Variants in LDB2 observed in about 807,000 individuals in gnomAD.
The protein encoded by LDB2 is LIM domain binding 2, also known as LIM domain-binding protein 2.
Under a neutral mutation model 44.3 loss-of-function variants are expected in LDB2, and 12 were observed. The ratio of observed to expected loss-of-function variants is 0.27; its 90% CI spans 0.17 to 0.44. The LOEUF is 0.44. Among genes scored for constraint, LDB2 ranks in the 20% least tolerant of loss-of-function variants. LDB2 has a pLI of 1.00. For missense variants in LDB2, 344 were observed against 473.5 expected (o/e 0.73, Z 2.54); for synonymous variants, 164 against 174.8 (o/e 0.94, Z 0.49).
In LDB2 at chr4:16,664,458, G is replaced by A. The variant is rs547263467; in HGVS notation, c.236-68583C>T. On this transcript the variant is annotated intron_variant, in intron 2 of 7. Coordinates refer to ENST00000304523, the MANE Select transcript of LDB2 (RefSeq NM_001290.5). ...AAATTTGCTCAGGGCAGGATGGCAG[G>A]GGTAGTAGGACACTAGACAGAGTCA... Among the ~76,000 whole-genome samples the A allele has an allele frequency of 4.0e-4, 61 of 152,258 alleles. No homozygotes were observed. In the South Asian group the frequency reaches 0.012, roughly 31 times the overall value.
At chr4:16,894,279 T>C (rs893168045) in intron 1 of LDB2, among the ~76,000 whole-genome samples, 1 of 152,172 alleles carries the variant, frequency 6.6e-6, no homozygotes, top group Non-Finnish European at 1.5e-5. Context: ...TTTGACAGCA[T>C]ACACAACAGA....
At chr4:16,870,235 T>G (rs1716081138) in intron 1 of LDB2, among the ~76,000 whole-genome samples, 1 of 152,162 alleles carries the variant, frequency 6.6e-6, no homozygotes, top group South Asian at 2.1e-4. Context: ...GCCTGCCACA[T>G]GGACGAATTC....
chr4:16,585,499 G>A (rs560846293), intron 5 of LDB2, among the ~76,000 whole-genome samples: 6 of 152,250 alleles, frequency 3.9e-5, no homozygotes, highest in East Asian at 3.9e-4. Flanking sequence ...GTTTCAGCAC[G>A]GGATTGGATT....
At chr4:16,591,464 T>C (rs1718935794) in intron 3 of LDB2, among the ~76,000 whole-genome samples, 1 of 152,180 alleles carries the variant, frequency 6.6e-6, no homozygotes, top group Non-Finnish European at 1.5e-5. Flanking sequence ...GGGTATACCA[T>C]GTGCAAGGCA....
intron 1 of LDB2, among the ~76,000 whole-genome samples, chr4:16,786,618 A>C (rs1043098856): frequency 6.6e-6 from 1 of 152,184 alleles, no homozygotes; most frequent in Non-Finnish European, 1.5e-5. Context: ...AACTAGCAAG[A>C]GTATATTCTA....
At chr4:16,704,955 A>G (rs1320342358) in intron 2 of LDB2, among the ~76,000 whole-genome samples, 1 of 152,182 alleles carries the variant, frequency 6.6e-6, no homozygotes, top group African/African-American at 2.4e-5. Context: ...GATTCTGTCT[A>G]AGAAGTTATT....
chr4:16,796,015 G>A (rs532562187), intron 1 of LDB2, among the ~76,000 whole-genome samples: 6 of 152,066 alleles, frequency 3.9e-5, no homozygotes, highest in Non-Finnish European at 2.9e-5. Flanking sequence ...TAAATGAGCC[G>A]GCGCGGTGGT....
chr4:16,719,069 C>T (rs1014359887), intron 2 of LDB2, among the ~76,000 whole-genome samples: 4 of 138,410 alleles, frequency 2.9e-5, no homozygotes, highest in African/African-American at 5.1e-5. Context: ...AAAGTCATGA[C>T]CAAATGCAAA....
chr4:16,872,133 C>T (rs1020514283), intron 1 of LDB2, among the ~76,000 whole-genome samples: 1 of 151,834 alleles, frequency 6.6e-6, no homozygotes, highest in African/African-American at 2.4e-5. Context: ...TATGTATATA[C>T]ACGCTCTTTT....
At chr4:16,813,108 C>T (rs1372801971) in intron 1 of LDB2, among the ~76,000 whole-genome samples, 7 of 152,140 alleles carry the variant, frequency 4.6e-5, no homozygotes, top group East Asian at 1.9e-4. Flanking sequence ...AAGCAATTCT[C>T]GTGCCTCAAC....
chr4:16,573,142 G>A (rs1747175964), intron 5 of LDB2, among the ~76,000 whole-genome samples: 1 of 152,138 alleles, frequency 6.6e-6, no homozygotes, highest in African/African-American at 2.4e-5. Context: ...AGGCATTGAT[G>A]GATTTGTATG....
intron 2 of LDB2, among the ~76,000 whole-genome samples, chr4:16,674,550 A>G (rs1231286376): frequency 4.6e-5 from 7 of 152,180 alleles, no homozygotes; most frequent in Non-Finnish European, 1.0e-4. Context: ...ATTATTAATT[A>G]CTTGTGTGTG....
intron 1 of LDB2, among the ~76,000 whole-genome samples, chr4:16,820,632 G>T (rs976430954): frequency 2.0e-5 from 3 of 152,142 alleles, no homozygotes. Context: ...AATACGCCTG[G>T]CATGTTCTCT....
intron 2 of LDB2, among the ~76,000 whole-genome samples, chr4:16,615,877 A>G (rs1442256431): frequency 6.6e-6 from 1 of 152,166 alleles, no homozygotes; most frequent in African/African-American, 2.4e-5. Flanking sequence ...AGCCCTGCCT[A>G]GGACTTGACT....
intron 1 of LDB2, among the ~76,000 whole-genome samples, chr4:16,835,440 T>C (rs1784738837): frequency 6.6e-6 from 1 of 152,258 alleles, no homozygotes; most frequent in East Asian, 1.9e-4. Context: ...TTCTATGGTG[T>C]TTCATGCATC....
At chr4:16,557,451 T>G (rs1037877156) in intron 5 of LDB2, among the ~76,000 whole-genome samples, 1 of 152,188 alleles carries the variant, frequency 6.6e-6, no homozygotes, top group South Asian at 2.1e-4. Context: ...GGAATCTCGC[T>G]GATTGCTAGC....
chr4:16,644,776 A>C (rs972737427), intron 2 of LDB2, among the ~76,000 whole-genome samples: 5 of 152,126 alleles, frequency 3.3e-5, no homozygotes, highest in Non-Finnish European at 7.4e-5. Flanking sequence ...TTTCTCTTTC[A>C]TAATTTCACA....
intron 5 of LDB2, among the ~76,000 whole-genome samples, chr4:16,583,572 G>C (rs1715580206): frequency 6.6e-6 from 1 of 152,196 alleles, no homozygotes; most frequent in Non-Finnish European, 1.5e-5. Context: ...AAAAAAATTA[G>C]ATGATAAGGC....
intron 1 of LDB2, among the ~76,000 whole-genome samples, chr4:16,802,986 C>T (rs58208232): frequency 0.015 from 2,208 of 152,174 alleles, 35 homozygotes; most frequent in East Asian, 0.077. Context: ...GCCAGAGACC[C>T]CTCGACCGCT....
Sources: allele counts gnomAD v4.1 joint callset (sites outside exome capture counted in the v4.1 genomes callset), GRCh38; gene constraint gnomAD v4.1.1; transcripts MANE v1.5; gene names NCBI Gene and HGNC (gene_info 2026-07-23, HGNC 2026-07-21).